PLEKHO1: variants seen among roughly 807,000 people sequenced by gnomAD.
PLEKHO1 encodes the protein pleckstrin homology domain-containing family O member 1.
Under a neutral mutation model 41.4 loss-of-function variants are expected in PLEKHO1, and 22 were observed. The observed-to-expected ratio is 0.53, with a 90% CI of 0.38 to 0.76. The LOEUF is 0.76. Ranked by LOEUF, PLEKHO1 falls within the 30% of genes least tolerant of loss-of-function variation. The pLI, the probability that PLEKHO1 is intolerant of heterozygous loss-of-function variation, is 0.00. For missense variants in PLEKHO1, 488 were observed against 518.3 expected (o/e 0.94, Z 0.57); for synonymous variants, 225 against 210.8 (o/e 1.07, Z -0.58).
chr1:150,152,697 A>AAAAAAG (rs1659996158), intron 2 of PLEKHO1: 1 of 141,280 alleles, frequency 7.1e-6, no homozygotes, highest in Non-Finnish European at 1.5e-5. Flanking sequence ...TTAAAAAAAA[A>AAAAAAG]AAAAAAAAAA....
rs782461976 is a variant in PLEKHO1 at position 150,158,936 on chromosome 1, G to A, written c.643G>A (p.Val215Met). 4 of 1,614,048 alleles carry A rather than the reference G, an allele frequency of 2.5e-6. No homozygotes were observed. The highest frequency in any genetic ancestry group is 3.4e-6 in the Non-Finnish European group (4 of 1,180,034). ...ESFRVDLDKS[V>M]AQLAGSRRRA... ...CTTTCGGGTTGACCTGGACAAGTCT[G>A]TGGCCCAGCTGGCAGGGAGCCGGCG... The change falls in exon 6 of 6, where the codon GTG becomes ATG. Residue 215 changes from valine (V) to methionine (M), a missense_variant. This residue lies in a region of PLEKHO1 where 337 missense variants were observed against 324.6 expected (regional missense o/e 1.04). Transcript: ENST00000369124.
rs782772695 is a variant in PLEKHO1 at position 150,159,468 on chromosome 1, A to C, written c.1175A>C (p.Asp392Ala). 6.2e-7 allele frequency: 1 copy of C among 1,613,238 alleles called. No homozygotes were observed. The highest frequency in any genetic ancestry group is 1.3e-5 in the African/African-American group (1 of 74,658). The change falls in exon 6 of 6, where the codon GAC (aspartate) becomes GCC (alanine). Residue 392 changes from aspartate (D) to alanine (A), a missense_variant. Transcript: ENST00000369124. ...AGACAGATGGACCTGCAGACCCCGG[A>C]CTCCCACCTCAGACAGACCACCCCG... ...LYRQMDLQTP[D>A]SHLRQTTPHS... is the part of the protein sequence containing the mutation.
In PLEKHO1 at chr1:150,151,508, G is replaced by T. The variant is rs782623191; in HGVS notation, c.177+450G>T. ...AGCGTGCACAGGTCCTGTCCGTGGC[G>T]CATCCGCCCTGAATCACAGAAAACA... is the stretch of plus-strand genomic sequence containing the variant. On this transcript the variant is annotated intron_variant, in intron 2 of 5. Transcript: ENST00000369124. 3.9e-5 allele frequency among the ~76,000 whole-genome samples: 6 copies of T among 152,178 alleles called. No homozygotes were observed. The South Asian group carries it at 1.2e-3, about 32-fold the overall frequency.
chr1:150,155,183 C>T (rs587753486), intron 2 of PLEKHO1: 2 of 152,234 alleles, frequency 1.3e-5, no homozygotes, highest in East Asian at 1.9e-4. Context: ...GAGACTATAG[C>T]AGGGAGGGCT....
chr1:150,153,643 C>T (rs782348446), intron 2 of PLEKHO1: 4 of 152,190 alleles, frequency 2.6e-5, no homozygotes, highest in Non-Finnish European at 5.9e-5. Flanking sequence ...CGTAGAATTT[C>T]TTCTGTGTTC....
At chr1:150,150,779 G>T in intron 1 of PLEKHO1, 133 bp from the exon 2 acceptor site, 1 of 733,390 alleles carries the variant, frequency 1.4e-6, no homozygotes. Context: ...GAGCGAACCT[G>T]GGGCGGCCCC....
Position 150,159,325 on chromosome 1 carries a change from G to A in PLEKHO1, c.1032G>A (p.Pro344=), listed in dbSNP as rs375787778. Residue 344 remains proline (P), a synonymous_variant, in exon 6 of 6, where the codon CCG becomes CCA. Transcript: ENST00000369124. ...CCAAGGACCCCCCTCGGTCTCCGCC[G>A]GATTCTGAGTCAGAGCAGCTGCTGC... ...RKAKDPPRSP[P]DSESEQLLLE... is the part of the protein sequence containing the mutation. 3.6e-5 allele frequency: 58 copies of A among 1,614,190 alleles called. No homozygotes were observed. In the African/African-American group the frequency reaches 4.5e-4, roughly 13 times the overall value.
At chr1:150,152,053 T>G (rs1212913057) in intron 2 of PLEKHO1, among the ~76,000 whole-genome samples, 2 of 152,158 alleles carry the variant, frequency 1.3e-5, no homozygotes, top group Non-Finnish European at 2.9e-5. Context: ...AACTGGGAAG[T>G]CCTCCCTGAG....
chr1:150,151,209 C>A, intron 2 of PLEKHO1, 151 bp downstream of exon 2: 1 of 753,958 alleles, frequency 1.3e-6, no homozygotes. Context: ...CAGAGAAAGG[C>A]CACCCTTTAA....
intron 3 of PLEKHO1, 97 bp downstream of exon 3, chr1:150,156,303 G>A (rs1553820418): frequency 9.7e-7 from 1 of 1,033,142 alleles, no homozygotes; most frequent in East Asian, 2.5e-5. Flanking sequence ...CAGCAATCTT[G>A]GTTCAGATTC....
intron 1 of PLEKHO1, chr1:150,150,690 T>G (rs1048388254): frequency 3.8e-6 from 2 of 528,572 alleles, no homozygotes; most frequent in Non-Finnish European, 6.8e-6. Flanking sequence ...CCCCTGCCAC[T>G]TGCAGCCCCG....
chr1:150,152,416 C>T (rs1659973362), intron 2 of PLEKHO1, among the ~76,000 whole-genome samples: 1 of 152,168 alleles, frequency 6.6e-6, no homozygotes, highest in African/African-American at 2.4e-5. Context: ...GATCCTCCCA[C>T]CTCATCCTTG....
In PLEKHO1 at chr1:150,159,971, G is replaced by A. The variant is rs1660370220; in HGVS notation, c.*448G>A. The A allele has an allele frequency of 1.3e-5, 2 of 156,850 alleles. No homozygotes were observed. The highest frequency in any genetic ancestry group is 2.8e-5 in the Non-Finnish European group (2 of 70,916). 9.7% of individuals were successfully genotyped at this position (156,850 alleles called of 1,614,324 possible). ...TCAGCTGCCCAACTCTAGTTGTAGGGATGTGGAGGCCAGTGTCACCTGTCC... is the reference window on the plus strand; with the variant it reads ...TCAGCTGCCCAACTCTAGTTGTAGGAATGTGGAGGCCAGTGTCACCTGTCC... On this transcript the variant is annotated 3_prime_UTR_variant, in exon 6 of 6. Transcript: ENST00000369124.
chr1:150,159,533 G>A lies in PLEKHO1; in HGVS notation c.*10G>A. 1 of 1,566,326 alleles carries A rather than the reference G, an allele frequency of 6.4e-7. No individual in the cohort carries two copies. The highest frequency in any genetic ancestry group is 2.3e-5 in the East Asian group (1 of 44,076). ...GAAGAGCCTGATGTGAGGGCAGGGTGGGGTCTGGAACTTGTCGGGTTGGAC... is the reference window on the plus strand; with the variant it reads ...GAAGAGCCTGATGTGAGGGCAGGGTAGGGTCTGGAACTTGTCGGGTTGGAC... On this transcript the variant is annotated 3_prime_UTR_variant, in exon 6 of 6. Transcript: ENST00000369124.
intron 2 of PLEKHO1, chr1:150,153,037 G>C (rs1426964394): frequency 2.1e-4 from 32 of 152,172 alleles, no homozygotes; most frequent in Admixed American, 2.0e-3. Context: ...CAGGAAAGAG[G>C]GACTAGGCAT....
chr1:150,156,771 T>C (rs1332897245), intron 3 of PLEKHO1, 140 bp from the exon 4 acceptor site: 7 of 629,058 alleles, frequency 1.1e-5, no homozygotes, highest in Admixed American at 1.0e-4. Context: ...CCTTAAGTTA[T>C]GGATGACTCT....
chr1:150,155,954 G>C (rs149847340), intron 2 of PLEKHO1, 112 bp from the exon 3 acceptor site: 4 of 962,640 alleles, frequency 4.2e-6, no homozygotes, highest in Non-Finnish European at 6.3e-6. Context: ...CTCTCCTGGC[G>C]TGCCTCCCTC....
chr1:150,150,996 G>C lies in PLEKHO1; in HGVS notation c.115G>C (p.Glu39Gln). 2.5e-6 allele frequency: 4 copies of C among 1,614,200 alleles called. No homozygotes were observed. Among genetic ancestry groups the C allele is most frequent in the Non-Finnish European group, 3.4e-6 (4 of 1,180,022 alleles). Residue 39 changes from glutamate (E) to glutamine (Q), a missense_variant, in exon 2 of 6, where the codon GAG becomes CAG. Glu to Gln is a conservative substitution (Grantham distance 29). This residue lies in a region of PLEKHO1 where 92 missense variants were observed against 82.3 expected (regional missense o/e 1.12). Coordinates refer to ENST00000369124, the MANE Select transcript of PLEKHO1 (RefSeq NM_016274.6). ...RKFCGKGIFR[E>Q]IWKNRYVVLK... ...ATTCTGCGGGAAAGGGATTTTCAGG[G>C]AGATTTGGAAAAACCGCTATGTGGT...
chr1:150,152,390 C>T (rs1000892977), intron 2 of PLEKHO1, among the ~76,000 whole-genome samples: 3 of 152,198 alleles, frequency 2.0e-5, no homozygotes, highest in Non-Finnish European at 2.9e-5. Context: ...TCAGCTTCCA[C>T]CTCCCAGGCT....
Sources: allele counts gnomAD v4.1 joint callset (sites outside exome capture counted in the v4.1 genomes callset), GRCh38; gene constraint gnomAD v4.1.1; regional missense constraint gnomAD v4.1.1; transcripts MANE v1.5; gene names NCBI Gene and HGNC (gene_info 2026-07-23, HGNC 2026-07-21).